Variants in DAB1 observed in about 807,000 individuals in gnomAD.
The protein encoded by DAB1 is disabled homolog 1.
In DAB1, 15 loss-of-function variants were observed where a neutral mutation model predicts 64.6. The observed-to-expected ratio is 0.23, with a 90% CI of 0.16 to 0.36. The LOEUF (loss-of-function observed/expected upper bound fraction) is 0.36, where lower values mean the gene tolerates loss of function less well. Ranked by LOEUF, DAB1 falls within the 10% of genes least tolerant of loss-of-function variation. The probability of loss-of-function intolerance (pLI) is 1.00; values close to 1 mark genes in which losing one functional copy is unlikely to be tolerated. For missense variants in DAB1, 596 were observed against 706.7 expected, an observed-to-expected ratio of 0.84 and a Z score of 1.78; for synonymous variants, 235 against 251.9, an observed-to-expected ratio of 0.93 and a Z score of 0.64.
chr1:57,171,336 T>C (rs1039167016), intron 2 of DAB1, among the ~76,000 whole-genome samples: 3 of 152,236 alleles, frequency 2.0e-5, no homozygotes, highest in Non-Finnish European at 4.4e-5. Context: ...AGGTGGTTTG[T>C]GTTTGCTTAG....
intron 1 of DAB1, among the ~76,000 whole-genome samples, chr1:57,397,334 T>C (rs1682894184): frequency 6.6e-6 from 1 of 152,190 alleles, no homozygotes; most frequent in African/African-American, 2.4e-5. Context: ...ACTTCCCCTA[T>C]ACACTCATCC....
intron 5 of DAB1, among the ~76,000 whole-genome samples, chr1:58,007,259 AT>A (rs779358719): frequency 6.6e-6 from 1 of 152,160 alleles, no homozygotes; most frequent in African/African-American, 2.4e-5. Context: ...TAAAAAAAAA[AT>A]CTCAAGACGC....
At chr1:56,998,728 C>T (rs1451020007) in intron 14 of DAB1, among the ~76,000 whole-genome samples, 1 of 152,212 alleles carries the variant, frequency 6.6e-6, no homozygotes, top group Non-Finnish European at 1.5e-5. Flanking sequence ...CTCTTAATCA[C>T]AAACTTCTGG....
intron 7 of DAB1, among the ~76,000 whole-genome samples, chr1:57,440,251 T>A (rs1685890858): frequency 6.6e-6 from 1 of 152,180 alleles, no homozygotes; most frequent in Admixed American, 6.5e-5. Flanking sequence ...CATGTCTGGA[T>A]CCCCCACTGA....
chr1:57,433,021 T>C (rs115830842), intron 7 of DAB1, among the ~76,000 whole-genome samples: 2,562 of 152,278 alleles, frequency 0.017, 76 homozygotes, highest in African/African-American at 0.058. Context: ...TTGTGCAAGC[T>C]TTCTGCACCA....
At chr1:58,099,424 T>C (rs969144857) in intron 5 of DAB1, among the ~76,000 whole-genome samples, 7 of 152,376 alleles carry the variant, frequency 4.6e-5, no homozygotes, top group Admixed American at 6.5e-5. Flanking sequence ...GTAACATTTA[T>C]TGATGACCGT....
At chr1:57,697,645 G>A (rs1646860816) in intron 6 of DAB1, among the ~76,000 whole-genome samples, 1 of 152,088 alleles carries the variant, frequency 6.6e-6, no homozygotes, top group African/African-American at 2.4e-5. Flanking sequence ...AAATTAAGAA[G>A]AAATTGTTAT....
intron 9 of DAB1, among the ~76,000 whole-genome samples, chr1:57,060,980 G>T (rs185554368): frequency 2.6e-5 from 4 of 152,162 alleles, no homozygotes; most frequent in Non-Finnish European, 4.4e-5. Context: ...GGCAATTCAG[G>T]CACAAACTGA....
At chr1:57,178,250 C>T (rs1662541908) in intron 2 of DAB1, among the ~76,000 whole-genome samples, 1 of 150,966 alleles carries the variant, frequency 6.6e-6, no homozygotes, top group Non-Finnish European at 1.5e-5. Flanking sequence ...TCCTCTGACC[C>T]AGCAATTCCA....
At chr1:57,261,679 T>C (rs1670192313) in intron 2 of DAB1, among the ~76,000 whole-genome samples, 1 of 152,188 alleles carries the variant, frequency 6.6e-6, no homozygotes, top group South Asian at 2.1e-4. Flanking sequence ...TCAGCACATC[T>C]GCTGACTAGT....
At chr1:58,050,643 C>T in intron 5 of DAB1, among the ~76,000 whole-genome samples, 1 of 152,148 alleles carries the variant, frequency 6.6e-6, no homozygotes, top group East Asian at 1.9e-4. Flanking sequence ...CATTCTCCTG[C>T]CTCAGCCTCC....
intron 4 of DAB1, among the ~76,000 whole-genome samples, chr1:57,120,523 A>C (rs1656543300): frequency 6.6e-6 from 1 of 152,174 alleles, no homozygotes; most frequent in Non-Finnish European, 1.5e-5. Context: ...AAGTACATTC[A>C]CATTGTTGTG....
chr1:58,288,038 A>AAAAAAAAAAAAAAAAAAAAG, intron 4 of DAB1, among the ~76,000 whole-genome samples: 1 of 122,660 alleles, frequency 8.2e-6, no homozygotes. Flanking sequence ...AAAAAAAAAA[A>AAAAAAAAAAAAAAAAAAAAG]AAAAAAAGAA....
chr1:57,139,987 G>A (rs900184173), intron 3 of DAB1, among the ~76,000 whole-genome samples: 2 of 152,106 alleles, frequency 1.3e-5, no homozygotes, highest in African/African-American at 2.4e-5. Context: ...TGTGAGACAG[G>A]ACTCTGGGTC....
intron 3 of DAB1, among the ~76,000 whole-genome samples, chr1:58,363,471 A>T (rs964247434): frequency 4.6e-5 from 7 of 152,172 alleles, no homozygotes; most frequent in Non-Finnish European, 4.4e-5. Flanking sequence ...AATAACGGTA[A>T]ATAAGTAAAG....
intron 6 of DAB1, among the ~76,000 whole-genome samples, chr1:57,786,377 C>G (rs1489280131): frequency 6.6e-6 from 1 of 152,096 alleles, no homozygotes; most frequent in Non-Finnish European, 1.5e-5. Context: ...TTAATCAGGG[C>G]TTACTATGTG....
chr1:58,166,139 G>A (rs1655819970), intron 4 of DAB1, among the ~76,000 whole-genome samples: 1 of 152,186 alleles, frequency 6.6e-6, no homozygotes, highest in Admixed American at 6.5e-5. Flanking sequence ...AGCTAGATAT[G>A]ATTTTGTATT....
rs17115816 is a variant in DAB1 at position 57,457,172 on chromosome 1, C to T, written n.626-166006G>A. 2.1e-3 allele frequency among the ~76,000 whole-genome samples: 318 copies of T among 152,166 alleles called. 5 individuals carry two copies. Among genetic ancestry groups the T allele is most frequent in the East Asian group, 0.021 (106 of 5,164 alleles). On this transcript the variant is annotated intron_variant and non_coding_transcript_variant, in intron 7 of 20. Coordinates refer to the DAB1 transcript ENST00000485760. Reference sequence around the variant, plus strand: ...TTCATCTTATCAGAGTATCAGAGACCCTTCTGCCTTGAGGAGGGAGGAGAA... The same window carrying T: ...TTCATCTTATCAGAGTATCAGAGACTCTTCTGCCTTGAGGAGGGAGGAGAA...
intron 7 of DAB1, among the ~76,000 whole-genome samples, chr1:57,544,037 C>T (rs529494636): frequency 6.6e-6 from 1 of 152,080 alleles, no homozygotes; most frequent in Non-Finnish European, 1.5e-5. Flanking sequence ...GAGGTAGAAG[C>T]CAGAGTCTGG....
Sources: allele counts gnomAD v4.1 joint callset (sites outside exome capture counted in the v4.1 genomes callset), GRCh38; gene constraint gnomAD v4.1.1; transcripts MANE v1.5; gene names NCBI Gene and HGNC (gene_info 2026-07-23, HGNC 2026-07-21).